The following RSU1 variants were observed in gnomAD, a reference collection of about 807,000 sequenced individuals.
RSU1 encodes the protein Ras suppressor protein 1, also known as rsu-1.
Under a neutral mutation model 31.1 loss-of-function variants are expected in RSU1, and 26 were observed. That is an observed-to-expected ratio of 0.84 (90% CI 0.61 to 1.16). RSU1 has a LOEUF of 1.16. Among genes scored for constraint, RSU1 ranks in the 50% most tolerant of loss-of-function variants. The pLI is 0.00. For synonymous variants in RSU1, 164 were observed against 136.3 expected (o/e 1.20, Z -1.41); for missense variants, 320 against 339.1 (o/e 0.94, Z 0.44).
At chr10:16,763,294 C>G (rs1288855123) in intron 4 of RSU1, among the ~76,000 whole-genome samples, 1 of 152,144 alleles carries the variant, frequency 6.6e-6, no homozygotes, top group African/African-American at 2.4e-5. Flanking sequence ...TTAACCGACT[C>G]GTGGTTCTAC....
chr10:16,598,338 C>T (rs1057409398), intron 8 of RSU1, among the ~76,000 whole-genome samples: 2 of 151,746 alleles, frequency 1.3e-5, no homozygotes, highest in Non-Finnish European at 2.9e-5. Context: ...CAGGCGTTCA[C>T]GACCAGCCTG....
intron 8 of RSU1, among the ~76,000 whole-genome samples, chr10:16,624,861 C>G (rs1834129309): frequency 6.6e-6 from 1 of 152,128 alleles, no homozygotes; most frequent in African/African-American, 2.4e-5. Flanking sequence ...TGACTCCCGT[C>G]ACAGGTTCCT....
chr10:16,752,658 A>G lies in RSU1; in HGVS notation c.484-5T>C, dbSNP rs754312042. ...GTCGTTATCCCTAAGGCTGAGCTAA[A>G]CAGAAGAAAACAAGTTGTCAACATA... On this transcript the variant is annotated splice_polypyrimidine_tract_variant and splice_region_variant and intron_variant, in intron 6 of 8. Coordinates refer to ENST00000345264, the MANE Select transcript of RSU1 (RefSeq NM_012425.4). The G allele has an allele frequency of 1.9e-6, 3 of 1,598,686 alleles. No individual in the cohort carries two copies. Among genetic ancestry groups the G allele is most frequent in the Non-Finnish European group, 2.6e-6 (3 of 1,166,652 alleles).
At chr10:16,779,210 G>A (rs1049637844) in intron 3 of RSU1, among the ~76,000 whole-genome samples, 2 of 152,046 alleles carry the variant, frequency 1.3e-5, no homozygotes, top group Admixed American at 6.6e-5. Flanking sequence ...TTCAAATAGG[G>A]GCACCATAAT....
chr10:16,638,144 T>A (rs944061953), intron 8 of RSU1, among the ~76,000 whole-genome samples: 1 of 152,164 alleles, frequency 6.6e-6, no homozygotes, highest in Non-Finnish European at 1.5e-5. Context: ...GGCAAAGAAC[T>A]TGAAGTTAAG....
At chr10:16,793,670 A>G (rs1052855798) in intron 2 of RSU1, among the ~76,000 whole-genome samples, 5 of 152,072 alleles carry the variant, frequency 3.3e-5, no homozygotes, top group African/African-American at 1.2e-4. Context: ...TATTAACAAA[A>G]CTTGGTGAGC....
chr10:16,688,175 A>G (rs1835473815), intron 8 of RSU1, among the ~76,000 whole-genome samples: 1 of 152,224 alleles, frequency 6.6e-6, no homozygotes, highest in African/African-American at 2.4e-5. Flanking sequence ...AATATATTAT[A>G]TGGGTTTCCC....
At chr10:16,725,170 T>C (rs987647522) in intron 7 of RSU1, among the ~76,000 whole-genome samples, 3 of 152,200 alleles carry the variant, frequency 2.0e-5, no homozygotes, top group East Asian at 1.9e-4. Flanking sequence ...ACATGTACGA[T>C]GCTTTAATAA....
At chr10:16,685,912 C>G (rs770931602) in intron 8 of RSU1, among the ~76,000 whole-genome samples, 1 of 151,814 alleles carries the variant, frequency 6.6e-6, no homozygotes, top group Non-Finnish European at 1.5e-5. Flanking sequence ...GTCTTATAAA[C>G]AAATAATATG....
At chr10:16,609,048 A>AT (rs148985924) in intron 8 of RSU1, among the ~76,000 whole-genome samples, 5,362 of 152,188 alleles carry the variant, frequency 0.035, 321 homozygotes, top group African/African-American at 0.12. Flanking sequence ...GCCCAGGCTA[A>AT]TATAGAACTC....
intron 8 of RSU1, among the ~76,000 whole-genome samples, chr10:16,631,971 T>C (rs1037597489): frequency 6.6e-6 from 1 of 152,192 alleles, no homozygotes; most frequent in African/African-American, 2.4e-5. Flanking sequence ...GAAGAGTCCG[T>C]AGAGTCCTGG....
chr10:16,648,598 G>C (rs11254131), intron 8 of RSU1, among the ~76,000 whole-genome samples: 9,732 of 152,096 alleles, frequency 0.064, 1,068 homozygotes, highest in African/African-American at 0.22. Flanking sequence ...TGAACAGATG[G>C]CTAAAGTAAA....
chr10:16,643,366 C>T (rs544698142), intron 8 of RSU1, among the ~76,000 whole-genome samples: 1 of 152,180 alleles, frequency 6.6e-6, no homozygotes, highest in East Asian at 1.9e-4. Flanking sequence ...ATAAATAATG[C>T]TCATACATTA....
intron 2 of RSU1, among the ~76,000 whole-genome samples, chr10:16,807,998 G>A (rs964997944): frequency 6.7e-5 from 10 of 148,408 alleles, no homozygotes; most frequent in African/African-American, 2.5e-4. Context: ...ACTCCAGCCT[G>A]GGTGACACAG....
At chr10:16,745,994 A>G (rs1836845222) in intron 7 of RSU1, among the ~76,000 whole-genome samples, 1 of 152,326 alleles carries the variant, frequency 6.6e-6, no homozygotes, top group African/African-American at 2.4e-5. Context: ...CTCAGAAAAG[A>G]AAGTTATTTT....
At chr10:16,600,551 C>T (rs1833699519) in intron 8 of RSU1, among the ~76,000 whole-genome samples, 2 of 133,434 alleles carry the variant, frequency 1.5e-5, no homozygotes, top group South Asian at 2.1e-4. Flanking sequence ...ATTACTGACA[C>T]GTGTTTTTTT....
At chr10:16,659,886 G>A (rs767397024) in intron 8 of RSU1, among the ~76,000 whole-genome samples, 11 of 152,186 alleles carry the variant, frequency 7.2e-5, no homozygotes, top group Non-Finnish European at 1.6e-4. Context: ...TATACAAAGT[G>A]TAAACTGTAT....
intron 7 of RSU1, among the ~76,000 whole-genome samples, chr10:16,707,570 GTTT>G (rs59600318): frequency 1.4e-5 from 2 of 142,078 alleles, no homozygotes; most frequent in Admixed American, 7.0e-5. Flanking sequence ...TCTTAATCAG[GTTT>G]TTTTTTTTTT....
At chr10:16,661,926 T>A (rs993610472) in intron 8 of RSU1, among the ~76,000 whole-genome samples, 38 of 152,256 alleles carry the variant, frequency 2.5e-4, no homozygotes, top group Non-Finnish European at 2.9e-4. Context: ...AATATAGTTA[T>A]AAAATACATT....
Sources: gnomAD v4.1 joint callset for allele counts (sites outside exome capture counted in the v4.1 genomes callset) on GRCh38, gnomAD v4.1.1 for gene constraint, MANE v1.5 for transcripts, NCBI Gene and HGNC (gene_info 2026-07-23, HGNC 2026-07-21) for gene names.